Variants in LHFPL3 observed in about 807,000 individuals in gnomAD.
LHFPL3 encodes the protein LHFPL tetraspan subfamily member 3.
A neutral mutation model predicts 19.3 loss-of-function variants in LHFPL3; 5 were observed. That is an observed-to-expected ratio of 0.26 (90% CI 0.14 to 0.54). LHFPL3 has a LOEUF of 0.54. Ranked by LOEUF, LHFPL3 falls within the 20% of genes least tolerant of loss-of-function variation. The pLI is 0.94. For missense variants in LHFPL3, 249 were observed against 307.4 expected (o/e 0.81, Z 1.42); for synonymous variants, 133 against 126.2 (o/e 1.05, Z -0.36).
intron 2 of LHFPL3, among the ~76,000 whole-genome samples, chr7:104,756,310 T>C (rs1794284433): frequency 6.6e-6 from 1 of 152,184 alleles, no homozygotes; most frequent in Non-Finnish European, 1.5e-5. Flanking sequence ...CTAATGTTGA[T>C]GTTCATACTA....
chr7:104,626,663 G>A lies in LHFPL3; in HGVS notation c.446-110012G>A, dbSNP rs1007010781. ...TGCTGCTTTTGTAACCAAATTATAG[G>A]GTGTGGGTTGTTATGGTGATAGAAC... On this transcript the variant is annotated intron_variant, in intron 1 of 2. Coordinates refer to ENST00000424859, the MANE Select transcript of LHFPL3 (RefSeq NM_199000.3). Among the ~76,000 whole-genome samples, 5 of 152,226 alleles carry A rather than the reference G, an allele frequency of 3.3e-5. No individual in the cohort carries two copies. The Middle Eastern group carries it at 0.01, about 311-fold the overall frequency.
At chr7:104,495,407 G>A (rs768851407) in intron 1 of LHFPL3, among the ~76,000 whole-genome samples, 4 of 151,852 alleles carry the variant, frequency 2.6e-5, no homozygotes, top group Admixed American at 6.6e-5. Context: ...TTTTTGAGAC[G>A]GAGTCTTGCT....
intron 1 of LHFPL3, among the ~76,000 whole-genome samples, chr7:104,334,008 A>C (rs1332033351): frequency 6.6e-6 from 1 of 152,208 alleles, no homozygotes. Flanking sequence ...TGTACCTGTC[A>C]GGAGACTGTT....
chr7:104,633,729 T>A (rs779086493), intron 1 of LHFPL3, among the ~76,000 whole-genome samples: 5 of 152,230 alleles, frequency 3.3e-5, no homozygotes, highest in Admixed American at 6.5e-5. Context: ...GCTATTTAAT[T>A]TATCTTTTTA....
At chr7:104,824,806 AT>A (rs1310897634) in intron 2 of LHFPL3, among the ~76,000 whole-genome samples, 2 of 124,854 alleles carry the variant, frequency 1.6e-5, no homozygotes, top group African/African-American at 3.1e-5. Flanking sequence ...GTTTCAAAAA[AT>A]ATATATAATG....
intron 1 of LHFPL3, among the ~76,000 whole-genome samples, chr7:104,514,518 G>T (rs572285331): frequency 6.6e-6 from 1 of 152,238 alleles, no homozygotes; most frequent in South Asian, 2.1e-4. Context: ...GAATGAACCA[G>T]CCAGTCTGTT....
At chr7:104,421,018 G>T (rs1320535713) in intron 1 of LHFPL3, among the ~76,000 whole-genome samples, 2 of 152,158 alleles carry the variant, frequency 1.3e-5, no homozygotes, top group Non-Finnish European at 2.9e-5. Flanking sequence ...ACAACTCAAG[G>T]GCATAGCCAG....
intron 2 of LHFPL3, among the ~76,000 whole-genome samples, chr7:104,812,357 G>C (rs576480536): frequency 6.6e-6 from 1 of 152,268 alleles, no homozygotes; most frequent in East Asian, 1.9e-4. Context: ...AATCTATACA[G>C]CAAGGGAAAT....
At chr7:104,430,455 T>TATATA (rs1491561052) in intron 1 of LHFPL3, among the ~76,000 whole-genome samples, 1 of 11,404 alleles carries the variant, frequency 8.8e-5, no homozygotes, top group Non-Finnish European at 1.5e-4. Context: ...TATATATATA[T>TATATA]TTTTTTTTTT....
At chr7:104,536,850 G>A (rs1463853299) in intron 1 of LHFPL3, among the ~76,000 whole-genome samples, 1 of 152,150 alleles carries the variant, frequency 6.6e-6, no homozygotes, top group Non-Finnish European at 1.5e-5. Flanking sequence ...GAACATGCCA[G>A]AAAGTGCCAC....
intron 1 of LHFPL3, among the ~76,000 whole-genome samples, chr7:104,555,474 G>A (rs748969718): frequency 4.6e-5 from 7 of 152,156 alleles, no homozygotes; most frequent in Admixed American, 1.3e-4. Context: ...GAGAGAGACT[G>A]TGCAAGAAAC....
intron 1 of LHFPL3, among the ~76,000 whole-genome samples, chr7:104,534,882 T>G (rs2062945137): frequency 6.6e-6 from 1 of 152,224 alleles, no homozygotes; most frequent in South Asian, 2.1e-4. Context: ...GTAGTATTTC[T>G]TCTTTGAATA....
At chr7:104,799,890 T>C (rs1212583781) in intron 2 of LHFPL3, 2 of 153,248 alleles carry the variant, frequency 1.3e-5, no homozygotes, top group African/African-American at 4.8e-5. Context: ...CGCGTTCAGC[T>C]GTTGGGATCT....
At chr7:104,512,930 G>C (rs189415336) in intron 1 of LHFPL3, among the ~76,000 whole-genome samples, 4 of 152,134 alleles carry the variant, frequency 2.6e-5, no homozygotes, top group Non-Finnish European at 5.9e-5. Context: ...CTCTTGGCTG[G>C]TTAAACAGCT....
intron 2 of LHFPL3, among the ~76,000 whole-genome samples, chr7:104,878,945 G>A (rs1202338344): frequency 6.6e-6 from 1 of 152,206 alleles, no homozygotes; most frequent in Non-Finnish European, 1.5e-5. Context: ...TAGTTGTCTA[G>A]ATAGATCAAA....
At chr7:104,442,008 C>T (rs1562898730) in intron 1 of LHFPL3, among the ~76,000 whole-genome samples, 2 of 152,090 alleles carry the variant, frequency 1.3e-5, no homozygotes, top group Non-Finnish European at 2.9e-5. Flanking sequence ...TACATTTCTA[C>T]CAACAGTGTG....
intron 2 of LHFPL3, among the ~76,000 whole-genome samples, chr7:104,812,515 T>TTTTG (rs1790490601): frequency 6.6e-6 from 1 of 152,060 alleles, no homozygotes; most frequent in Non-Finnish European, 1.5e-5. Flanking sequence ...TTTTTTTTAA[T>TTTTG]TAGACGTAGC....
chr7:104,670,861 G>GTTTTTTTTTTT (rs765180265), intron 1 of LHFPL3, among the ~76,000 whole-genome samples: 1 of 146,448 alleles, frequency 6.8e-6, no homozygotes. Context: ...AATGTGTTTT[G>GTTTTTTTTTTT]TTTTGTTTTT....
At chr7:104,667,266 G>GGC (rs1792373717) in intron 1 of LHFPL3, among the ~76,000 whole-genome samples, 1 of 123,922 alleles carries the variant, frequency 8.1e-6, no homozygotes, top group African/African-American at 2.8e-5. Context: ...TGTTTTCTTG[G>GGC]GGGGGGGAAT....
Sources: allele counts gnomAD v4.1 joint callset (sites outside exome capture counted in the v4.1 genomes callset), GRCh38; gene constraint gnomAD v4.1.1; transcripts MANE v1.5; gene names NCBI Gene and HGNC (gene_info 2026-07-23, HGNC 2026-07-21).